MLIP: variants seen among roughly 807,000 people sequenced by gnomAD.
The protein encoded by MLIP is muscular LMNA interacting protein.
Under a neutral mutation model 84.8 loss-of-function variants are expected in MLIP, and 79 were observed. The ratio of observed to expected loss-of-function variants is 0.93; its 90% confidence interval spans 0.78 to 1.12. The LOEUF (loss-of-function observed/expected upper bound fraction) is 1.12, where lower values mean the gene tolerates loss of function less well. Among genes scored for constraint, MLIP ranks in the 50% most tolerant of loss-of-function variants. The pLI is 0.00. For missense variants in MLIP, 1,257 were observed against 1,160.6 expected (o/e 1.08, Z -1.21); for synonymous variants, 504 against 463.0 (o/e 1.09, Z -1.14).
intron 2 of MLIP, among the ~76,000 whole-genome samples, chr6:54,124,079 C>T (rs1349464259): frequency 6.6e-6 from 1 of 152,166 alleles, no homozygotes; most frequent in East Asian, 1.9e-4. Context: ...GGATTTCCTT[C>T]CTCCCTTGGC....
At chr6:54,210,220 A>G (rs1410967808) in intron 11 of MLIP, among the ~76,000 whole-genome samples, 2 of 152,240 alleles carry the variant, frequency 1.3e-5, no homozygotes, top group Non-Finnish European at 1.5e-5. Flanking sequence ...CATACGTTTC[A>G]GTTCTTTCAT....
At chr6:54,135,525 T>C (rs974040210) in intron 3 of MLIP, among the ~76,000 whole-genome samples, 3 of 152,122 alleles carry the variant, frequency 2.0e-5, no homozygotes, top group African/African-American at 7.2e-5. Context: ...TAAAATGTTA[T>C]AAGCAAAATC....
At chr6:54,264,818 G>T (rs1783593882) in intron 13 of MLIP, among the ~76,000 whole-genome samples, 1 of 152,036 alleles carries the variant, frequency 6.6e-6, no homozygotes, top group African/African-American at 2.4e-5. Context: ...CTTTTTGCCT[G>T]TTGATTTTCT....
intron 1 of MLIP, among the ~76,000 whole-genome samples, chr6:54,102,947 G>A (rs949763802): frequency 2.0e-5 from 3 of 152,134 alleles, no homozygotes; most frequent in African/African-American, 4.8e-5. Flanking sequence ...TGGAGCCAGG[G>A]AAGCCCTCTT....
chr6:54,065,616 C>G (rs1334458175), intron 1 of MLIP, among the ~76,000 whole-genome samples: 1 of 99,696 alleles, frequency 1.0e-5, no homozygotes, highest in African/African-American at 2.6e-5. Flanking sequence ...CCTTGCCTCT[C>G]TGGGATGCTT....
intron 12 of MLIP, among the ~76,000 whole-genome samples, chr6:54,233,502 A>T (rs187502463): frequency 1.3e-4 from 20 of 152,334 alleles, no homozygotes; most frequent in Admixed American, 8.5e-4. Context: ...TGCAGAAGAC[A>T]TGAACTCATC....
At chr6:54,217,126 C>T in intron 11 of MLIP, 10 of 985,374 alleles carry the variant, frequency 1.0e-5, no homozygotes, top group Non-Finnish European at 1.2e-5. Context: ...GAGTGAAAGG[C>T]TCCAGTAATT....
intron 1 of MLIP, among the ~76,000 whole-genome samples, chr6:54,053,103 A>G (rs565718592): frequency 6.6e-5 from 10 of 152,332 alleles, no homozygotes; most frequent in African/African-American, 2.2e-4. Flanking sequence ...ACCTAAGACT[A>G]AGAGCAGTGA....
chr6:54,108,556 T>C (rs1389099496), upstream of MLIP, among the ~76,000 whole-genome samples: 2 of 152,172 alleles, frequency 1.3e-5, no homozygotes, highest in African/African-American at 4.8e-5. Context: ...CATTTATGTG[T>C]TTTTAAGTGA....
chr6:54,146,568 A>C (rs930397478), intron 4 of MLIP, among the ~76,000 whole-genome samples: 1 of 152,164 alleles, frequency 6.6e-6, no homozygotes, highest in Non-Finnish European at 1.5e-5. Flanking sequence ...GTAGGGGAGA[A>C]TTTTGTACTA....
chr6:54,189,818 A>C, intron 9 of MLIP, 52 bp from the exon 10 acceptor site: 1 of 1,350,262 alleles, frequency 7.4e-7, no homozygotes, highest in Non-Finnish European at 1.1e-6. Context: ...ACACATACAT[A>C]TTTTAATAAA....
chr6:54,222,424 A>C (rs1266858552), intron 11 of MLIP, among the ~76,000 whole-genome samples: 1 of 151,854 alleles, frequency 6.6e-6, no homozygotes, highest in Non-Finnish European at 1.5e-5. Context: ...GCCTTCTATG[A>C]GTTTGACTAT....
At chr6:54,043,649 T>C (rs1172381904) in intron 1 of MLIP, among the ~76,000 whole-genome samples, 1 of 152,188 alleles carries the variant, frequency 6.6e-6, no homozygotes, top group East Asian at 1.9e-4. Flanking sequence ...TTATGTCTGG[T>C]ACAGAGATAG....
chr6:54,235,548 A>G (rs73741486), intron 12 of MLIP, among the ~76,000 whole-genome samples: 4,181 of 152,286 alleles, frequency 0.027, 176 homozygotes, highest in African/African-American at 0.092. Context: ...AGGGTGTGAC[A>G]TAATATGCTA....
At chr6:54,048,523 G>T (rs762510288) in intron 1 of MLIP, among the ~76,000 whole-genome samples, 2 of 152,180 alleles carry the variant, frequency 1.3e-5, no homozygotes, top group Non-Finnish European at 2.9e-5. Flanking sequence ...GGTCATGAAG[G>T]AGCATAACTG....
intron 13 of MLIP, among the ~76,000 whole-genome samples, chr6:54,262,846 C>A (rs1295339776): frequency 6.6e-6 from 1 of 151,990 alleles, no homozygotes; most frequent in African/African-American, 2.4e-5. Context: ...AGAATTAAGC[C>A]TTTCTTTTTG....
intron 8 of MLIP, among the ~76,000 whole-genome samples, chr6:54,161,354 G>A (rs1774619554): frequency 6.6e-6 from 1 of 151,792 alleles, no homozygotes; most frequent in Non-Finnish European, 1.5e-5. Context: ...ATTTTAGATT[G>A]TTAGAGTACT....
chr6:54,209,948 G>A (rs1261195274), intron 11 of MLIP, among the ~76,000 whole-genome samples: 1 of 141,852 alleles, frequency 7.0e-6, no homozygotes, highest in African/African-American at 2.6e-5. Context: ...CATTACTTGT[G>A]TTTTCCTATA....
chr6:54,036,597 A>G (rs754187389), intron 1 of MLIP, among the ~76,000 whole-genome samples: 22 of 152,072 alleles, frequency 1.4e-4, no homozygotes, highest in Non-Finnish European at 2.5e-4. Context: ...TAAGTGTTGT[A>G]GACAATGTGG....
Sources: allele counts gnomAD v4.1 joint callset (sites outside exome capture counted in the v4.1 genomes callset), GRCh38; gene constraint gnomAD v4.1.1; transcripts MANE v1.5; gene names NCBI Gene and HGNC (gene_info 2026-07-23, HGNC 2026-07-21).